SLC25A14: variants seen among roughly 807,000 people sequenced by gnomAD.
The protein encoded by SLC25A14 is brain mitochondrial carrier protein 1.
SLC25A14 carries 8 observed loss-of-function variants against 28.1 expected under a neutral mutation model. That is an observed-to-expected ratio of 0.28 (90% CI 0.17 to 0.51). The LOEUF is 0.51. SLC25A14 is among the 20% of genes least tolerant of loss of function. The pLI, the probability that SLC25A14 is intolerant of heterozygous loss-of-function variation, is 0.97. For missense variants in SLC25A14, 135 were observed against 263.8 expected, an observed-to-expected ratio of 0.51 and a Z score of 3.38; for synonymous variants, 74 against 90.6, an observed-to-expected ratio of 0.82 and a Z score of 1.04.
intron 2 of SLC25A14, among the ~76,000 whole-genome samples, chrX:130,342,675 TG>T (rs755469899): frequency 6.3e-5 from 7 of 110,264 alleles, no homozygotes; most frequent in Non-Finnish European, 1.3e-4. Flanking sequence ...TACTATCAGA[TG>T]GGGGTAGGGA....
chrX:130,349,194 C>T, intron 4 of SLC25A14, 57 bp from the exon 5 acceptor site: 1 of 731,692 alleles, frequency 1.4e-6, no homozygotes, highest in Non-Finnish European at 2.0e-6. Flanking sequence ...AGTAGGCTAT[C>T]TAGATATGTA....
intron 7 of SLC25A14, among the ~76,000 whole-genome samples, chrX:130,362,634 G>A (rs907599623): frequency 8.9e-6 from 1 of 111,903 alleles, no homozygotes; most frequent in Non-Finnish European, 1.9e-5. Flanking sequence ...CTTTTCCCCT[G>A]AAGATAGAAT....
intron 2 of SLC25A14, among the ~76,000 whole-genome samples, chrX:130,343,262 GA>G (rs1244146670): frequency 8.9e-6 from 1 of 111,942 alleles, no homozygotes; most frequent in Non-Finnish European, 1.9e-5. Flanking sequence ...TCAAAGAGGG[GA>G]TATGCCATGG....
At chrX:130,362,227 C>T (rs1382507207) in intron 7 of SLC25A14, among the ~76,000 whole-genome samples, 2 of 108,792 alleles carry the variant, frequency 1.8e-5, no homozygotes, top group Non-Finnish European at 3.8e-5. Context: ...ACCTCCGCCT[C>T]CTGGGTTCAA....
rs2124752466 is a variant in SLC25A14, at chrX:130,350,858, T to C, written c.498+127T>C. The C allele has an allele frequency of 1.3e-5, 5 of 376,173 alleles. No homozygotes were observed. The East Asian group carries it at 2.0e-4, about 15-fold the overall frequency. 31.0% of individuals were successfully genotyped at this position (376,173 alleles called of 1,213,427 possible). ...TCAGTTAACTGCATTAAGCCTCAAT[T>C]TCATCATTTGAAAAATGAATATAAT... On this transcript the variant is annotated intron_variant, in intron 6 of 10. Coordinates refer to ENST00000545805, the MANE Select transcript of SLC25A14 (RefSeq NM_001282195.2).
intron 6 of SLC25A14, among the ~76,000 whole-genome samples, chrX:130,352,703 T>G (rs1420998692): frequency 8.9e-6 from 1 of 112,629 alleles, no homozygotes; most frequent in Non-Finnish European, 1.9e-5. Flanking sequence ...TGTTGGCTGC[T>G]TGTATGTCTT....
At chrX:130,362,089 A>G (rs931503659) in intron 7 of SLC25A14, among the ~76,000 whole-genome samples, 1 of 107,164 alleles carries the variant, frequency 9.3e-6, no homozygotes, top group Admixed American at 1.0e-4. Context: ...TAGCTGTGTC[A>G]CTTCCACTTC....
chrX:130,368,922 T>C (rs2034193978), intron 9 of SLC25A14, among the ~76,000 whole-genome samples: 2 of 112,627 alleles, frequency 1.8e-5, no homozygotes, highest in Admixed American at 9.4e-5. Context: ...TTACATTTGC[T>C]CACTCATTTA....
At chrX:130,363,798 A>G (rs936334818) in intron 7 of SLC25A14, among the ~76,000 whole-genome samples, 12 of 111,698 alleles carry the variant, frequency 1.1e-4, no homozygotes, top group Admixed American at 5.7e-4. Context: ...CAGTGGTGCA[A>G]TCATGGCTCA....
chrX:130,368,390 G>GC (rs1313418167), intron 9 of SLC25A14, among the ~76,000 whole-genome samples: 1 of 111,562 alleles, frequency 9.0e-6, no homozygotes, highest in South Asian at 3.8e-4. Flanking sequence ...TCTTGAAGAG[G>GC]CCCCCCCACA....
chrX:130,348,147 G>T (rs1425265210), intron 4 of SLC25A14, among the ~76,000 whole-genome samples: 1 of 110,831 alleles, frequency 9.0e-6, no homozygotes, highest in East Asian at 2.8e-4. Context: ...GTTCTGCTGA[G>T]GTCTCTTTTC....
At chrX:130,359,049 C>T in intron 7 of SLC25A14, 1 of 997,485 alleles carries the variant, frequency 1.0e-6, no homozygotes, top group Non-Finnish European at 1.3e-6. Flanking sequence ...CTTTGTAGTG[C>T]TTATGTTCAA....
chrX:130,363,296 C>T (rs1008036319), intron 7 of SLC25A14, among the ~76,000 whole-genome samples: 19 of 112,346 alleles, frequency 1.7e-4, no homozygotes, highest in African/African-American at 6.2e-4. Flanking sequence ...TGGAATCACG[C>T]AATATGTAGA....
chrX:130,360,367 C>T (rs1214861416), intron 7 of SLC25A14, among the ~76,000 whole-genome samples: 1 of 111,180 alleles, frequency 9.0e-6, no homozygotes, highest in African/African-American at 3.3e-5. Flanking sequence ...CTGTGTATTT[C>T]ATACTGCATC....
At chrX:130,364,947 TACTTGGGA>T in intron 8 of SLC25A14, 195 bp downstream of exon 8, 1 of 969,168 alleles carries the variant, frequency 1.0e-6, no homozygotes, top group African/African-American at 2.0e-5. Flanking sequence ...GGGGCTTGGG[TACTTGGGA>T]ACATTGTCTA....
chrX:130,371,543 T>C, intron 9 of SLC25A14, 21 bp from the exon 10 acceptor site: 1 of 1,167,315 alleles, frequency 8.6e-7, no homozygotes, highest in Non-Finnish European at 1.2e-6. Context: ...CACTCTGTTT[T>C]TGGTTATATC....
intron 6 of SLC25A14, among the ~76,000 whole-genome samples, chrX:130,356,217 C>CTTTTTTTT (rs145822008): frequency 1.9e-5 from 1 of 52,055 alleles, no homozygotes; most frequent in Non-Finnish European, 3.3e-5. Flanking sequence ...CAAGGGCAAT[C>CTTTTTTTT]TTTTTTTTTT....
At chrX:130,360,926 GCAACTC>G (rs977128162) in intron 7 of SLC25A14, among the ~76,000 whole-genome samples, 2 of 111,385 alleles carry the variant, frequency 1.8e-5, no homozygotes, top group Non-Finnish European at 3.8e-5. Context: ...TACCCATGAA[GCAACTC>G]CCCATTTCTC....
intron 10 of SLC25A14, 102 bp from the exon 11 acceptor site, chrX:130,372,807 A>T: frequency 1.6e-6 from 1 of 612,583 alleles, no homozygotes; most frequent in Admixed American, 2.6e-5. Flanking sequence ...TGCAGCTTGG[A>T]ATAGCATAGA....
Sources: gnomAD v4.1 joint callset for allele counts (sites outside exome capture counted in the v4.1 genomes callset) on GRCh38, gnomAD v4.1.1 for gene constraint, MANE v1.5 for transcripts, NCBI Gene and HGNC (gene_info 2026-07-23, HGNC 2026-07-21) for gene names.